PEBP4: variants seen among roughly 807,000 people sequenced by gnomAD.
PEBP4 encodes phosphatidylethanolamine binding protein 4, also known as phosphatidylethanolamine-binding protein 4.
A neutral mutation model predicts 23.9 loss-of-function variants in PEBP4; 22 were observed. The observed-to-expected ratio is 0.92, with a 90% CI of 0.66 to 1.31. The LOEUF (loss-of-function observed/expected upper bound fraction) is 1.31, where lower values mean the gene tolerates loss of function less well. Among genes scored for constraint, PEBP4 ranks in the 40% most tolerant of loss-of-function variants. The pLI is 0.00. For missense variants in PEBP4, 324 were observed against 281.7 expected (o/e 1.15, Z -1.07); for synonymous variants, 112 against 99.3 (o/e 1.13, Z -0.76).
intron 4 of PEBP4, among the ~76,000 whole-genome samples, chr8:22,777,841 G>A (rs1271835167): frequency 3.3e-5 from 5 of 152,172 alleles, no homozygotes; most frequent in African/African-American, 4.8e-5. Flanking sequence ...GGCTGAGGGC[G>A]TGTGGGAGAA....
chr8:22,748,216 C>A (rs992076761), intron 4 of PEBP4, among the ~76,000 whole-genome samples: 8 of 152,044 alleles, frequency 5.3e-5, no homozygotes, highest in African/African-American at 1.9e-4. Flanking sequence ...GAGGGGGCTG[C>A]GCTCAGGCTG....
At chr8:22,751,038 C>G (rs558720571) in intron 4 of PEBP4, among the ~76,000 whole-genome samples, 1 of 152,202 alleles carries the variant, frequency 6.6e-6, no homozygotes, top group East Asian at 1.9e-4. Flanking sequence ...TTGAACTTGA[C>G]GCCCACGCAG....
intron 4 of PEBP4, among the ~76,000 whole-genome samples, chr8:22,733,823 G>C (rs1359677984): frequency 7.4e-6 from 1 of 135,418 alleles, no homozygotes; most frequent in Non-Finnish European, 1.6e-5. Flanking sequence ...GAATTGGGGA[G>C]GGTGGGGATG....
intron 4 of PEBP4, among the ~76,000 whole-genome samples, chr8:22,758,593 G>A (rs911538085): frequency 6.6e-6 from 1 of 152,196 alleles, no homozygotes; most frequent in African/African-American, 2.4e-5. Context: ...TTGCCTGGCT[G>A]TATGCTGTTA....
chr8:22,718,176 T>C (rs1585234069), intron 6 of PEBP4, among the ~76,000 whole-genome samples: 1 of 151,698 alleles, frequency 6.6e-6, no homozygotes, highest in Non-Finnish European at 1.5e-5. Flanking sequence ...TTCGGGGTGG[T>C]GAGGGGTGAC....
chr8:22,834,097 A>C (rs1294074113), intron 3 of PEBP4, among the ~76,000 whole-genome samples: 1 of 152,180 alleles, frequency 6.6e-6, no homozygotes, highest in Admixed American at 6.5e-5. Flanking sequence ...CCTGGAGATG[A>C]AGGGGATCCA....
intron 3 of PEBP4, among the ~76,000 whole-genome samples, chr8:22,837,890 CTTTTTTTTTTT>C (rs746772591): frequency 1.5e-4 from 10 of 64,552 alleles, no homozygotes; most frequent in South Asian, 8.8e-4. Context: ...TTATTATATT[CTTTTTTTTTTT>C]TTTTTTTTTT....
rs1807891970 is a variant in PEBP4 at position 22,865,926 on chromosome 8, G to C, written c.259-48191C>G. Among the ~76,000 whole-genome samples, 1 of 151,934 alleles carries C rather than the reference G, an allele frequency of 6.6e-6. No homozygotes were observed. Among genetic ancestry groups the C allele is most frequent in the Non-Finnish European group, 1.5e-5 (1 of 67,962 alleles). On this transcript the variant is annotated intron_variant, in intron 3 of 6. Coordinates refer to ENST00000256404, the MANE Select transcript of PEBP4 (RefSeq NM_144962.3). This position sits in a 1 kb window ranked among gnomAD's most constrained non-coding sequence, Gnocchi z 6.9. ...AGCTCCCACTCAGGACACGCGCCTC[G>C]AGGTGTGGCCCGGCGCCGGGCGGTG... is the stretch of plus-strand genomic sequence containing the variant.
intron 1 of PEBP4, among the ~76,000 whole-genome samples, chr8:22,940,249 C>T (rs896104416): frequency 6.6e-6 from 1 of 152,172 alleles, no homozygotes; most frequent in African/African-American, 2.4e-5. Context: ...AGGAAAGAAA[C>T]TCACTACATC....
intron 4 of PEBP4, among the ~76,000 whole-genome samples, chr8:22,765,131 TC>T (rs1440932239): frequency 3.3e-5 from 5 of 151,244 alleles, no homozygotes; most frequent in African/African-American, 1.2e-4. Flanking sequence ...CTTCCTTCCT[TC>T]CTTCCTTCCT....
At chr8:22,897,430 A>C (rs892438042) in intron 3 of PEBP4, among the ~76,000 whole-genome samples, 7 of 152,128 alleles carry the variant, frequency 4.6e-5, no homozygotes, top group African/African-American at 1.7e-4. Flanking sequence ...AGGCACCAAA[A>C]ACAAACCCTT....
intron 3 of PEBP4, among the ~76,000 whole-genome samples, chr8:22,836,796 C>T (rs1201570535): frequency 6.6e-6 from 1 of 151,686 alleles, no homozygotes; most frequent in South Asian, 2.1e-4. Context: ...GCCAAGCAGG[C>T]AGCAAAAATC....
intron 3 of PEBP4, among the ~76,000 whole-genome samples, chr8:22,859,343 A>G (rs145831770): frequency 0.011 from 1,612 of 152,264 alleles, 20 homozygotes; most frequent in Non-Finnish European, 0.018. Context: ...ACAACTATTC[A>G]ATTGGAAAAA....
chr8:22,895,718 C>A (rs1218884421), intron 3 of PEBP4: 1 of 152,144 alleles, frequency 6.6e-6, no homozygotes, highest in African/African-American at 2.4e-5. Flanking sequence ...GTCCCCCAGC[C>A]TTCTTTTCTC....
chr8:22,805,795 T>TAAA (rs1554487541), intron 4 of PEBP4, among the ~76,000 whole-genome samples: 3 of 151,642 alleles, frequency 2.0e-5, no homozygotes, highest in African/African-American at 7.3e-5. Context: ...TATTTTTTTT[T>TAAA]AAAAAAAAGG....
At chr8:22,843,070 C>T (rs1053260423) in intron 3 of PEBP4, among the ~76,000 whole-genome samples, 2 of 152,172 alleles carry the variant, frequency 1.3e-5, no homozygotes, top group Non-Finnish European at 2.9e-5. Flanking sequence ...TTAGGTTATC[C>T]TTCTGCCTTG....
chr8:22,902,324 C>T (rs372632222), intron 3 of PEBP4, among the ~76,000 whole-genome samples: 16 of 152,000 alleles, frequency 1.1e-4, no homozygotes, highest in African/African-American at 3.6e-4. Flanking sequence ...AGTGAAACTC[C>T]GTCTCAAAAA....
intron 3 of PEBP4, among the ~76,000 whole-genome samples, chr8:22,832,037 G>T (rs1807093360): frequency 6.6e-6 from 1 of 152,132 alleles, no homozygotes; most frequent in Non-Finnish European, 1.5e-5. Context: ...ATGTGATGTG[G>T]TGGGGGTGGA....
At chr8:22,924,689 A>G in intron 2 of PEBP4, 1 of 985,392 alleles carries the variant, frequency 1.0e-6, no homozygotes, top group South Asian at 4.7e-5. Context: ...GGGAGCTTGC[A>G]GGGCTGACTG....
Sources: allele counts gnomAD v4.1 joint callset (sites outside exome capture counted in the v4.1 genomes callset), GRCh38; gene constraint gnomAD v4.1.1; non-coding constraint Gnocchi (gnomAD v3.1); transcripts MANE v1.5; gene names NCBI Gene and HGNC (gene_info 2026-07-23, HGNC 2026-07-21).